Variants in DISC1 observed in about 807,000 individuals in gnomAD.
DISC1 encodes DISC1 scaffold protein.
DISC1 carries 57 observed loss-of-function variants against 84.5 expected under a neutral mutation model. The observed-to-expected ratio is 0.67, with a 90% CI of 0.55 to 0.84. The LOEUF is 0.84. Among genes scored for constraint, DISC1 ranks in the 40% least tolerant of loss-of-function variants. The probability of loss-of-function intolerance (pLI) is 0.00; values close to 1 mark genes in which losing one functional copy is unlikely to be tolerated. For missense variants in DISC1, 1,000 were observed against 1,057.8 expected, an observed-to-expected ratio of 0.95 and a Z score of 0.76; for synonymous variants, 411 against 415.2, an observed-to-expected ratio of 0.99 and a Z score of 0.12.
In DISC1 at chr1:231,693,956, G is replaced by C; in HGVS notation, c.198G>C (p.Arg66=). 1.2e-6 allele frequency: 2 copies of C among 1,614,122 alleles called. No homozygotes were observed. Among genetic ancestry groups the C allele is most frequent in the Non-Finnish European group, 1.7e-6 (2 of 1,179,990 alleles). Residue 66 remains arginine, a synonymous_variant, in exon 2 of 13, where the codon CGG becomes CGC. Transcript: ENST00000439617. ...FLSPAVGTLF[R]FPGGVSGEES... ...CCCCAGCAGTGGGCACACTGTTCCGGTTCCCAGGAGGGGTGTCTGGCGAGG... is the reference window on the plus strand; with the variant it reads ...CCCCAGCAGTGGGCACACTGTTCCGCTTCCCAGGAGGGGTGTCTGGCGAGG...
At chr1:231,651,690 A>T (rs2060636091) in intron 1 of DISC1, among the ~76,000 whole-genome samples, 1 of 152,248 alleles carries the variant, frequency 6.6e-6, no homozygotes, top group Admixed American at 6.5e-5. Context: ...CCCTGCCCCT[A>T]GAGCTGGGGT....
chr1:231,999,465 G>T (rs1666377586), intron 10 of DISC1, among the ~76,000 whole-genome samples: 1 of 152,122 alleles, frequency 6.6e-6, no homozygotes, highest in Non-Finnish European at 1.5e-5. Context: ...ACAATAAGCA[G>T]CCAGGGGAGA....
rs138458191 is a variant in DISC1 at position 231,970,107 on chromosome 1, A to G, written c.2042+11219A>G. On this transcript the variant is annotated intron_variant, in intron 10 of 12. Transcript: ENST00000439617. ...CAGCAAGATTTATAATCCTTTGGGT[A>G]TATACCCAGTAATGAGATGGCTGGG... Among the ~76,000 whole-genome samples, 465 of 152,320 alleles carry G rather than the reference A, an allele frequency of 3.1e-3. 3 individuals carry two copies. The highest frequency in any genetic ancestry group is 0.011 in the African/African-American group (439 of 41,570).
chr1:231,938,347 G>A (rs2091106125), intron 9 of DISC1, among the ~76,000 whole-genome samples: 1 of 152,164 alleles, frequency 6.6e-6, no homozygotes, highest in African/African-American at 2.4e-5. Context: ...GAGTGACAGT[G>A]AGGTTTGAAG....
In DISC1 at chr1:231,903,774, G is replaced by A. The variant is rs185877720; in HGVS notation, c.1982-55054G>A. Among the ~76,000 whole-genome samples the A allele has an allele frequency of 3.5e-3, 528 of 152,336 alleles. 2 individuals are homozygous for A. Among genetic ancestry groups the A allele is most frequent in the Non-Finnish European group, 5.8e-3 (395 of 68,026 alleles). On this transcript the variant is annotated intron_variant, in intron 9 of 12. Transcript: ENST00000439617. ...GAGGAGGGCTGGGAAAGTGAGAACAGCAAAGAAAAGGGCAACAGATCATGT... is the reference window on the plus strand; with the variant it reads ...GAGGAGGGCTGGGAAAGTGAGAACAACAAAGAAAAGGGCAACAGATCATGT...
At chr1:231,734,348 G>A (rs993180029) in intron 3 of DISC1, among the ~76,000 whole-genome samples, 4 of 152,188 alleles carry the variant, frequency 2.6e-5, no homozygotes, top group Admixed American at 6.5e-5. Context: ...AAGTGGTGGG[G>A]CAATGAGTAT....
chr1:231,733,406 CTG>C (rs2071893935), intron 3 of DISC1, among the ~76,000 whole-genome samples: 1 of 139,056 alleles, frequency 7.2e-6, no homozygotes, highest in Non-Finnish European at 1.6e-5. Context: ...GTACTGGTGA[CTG>C]TAGAAGTGGT....
chr1:231,890,312 A>G (rs2087103890), intron 9 of DISC1, among the ~76,000 whole-genome samples: 1 of 152,212 alleles, frequency 6.6e-6, no homozygotes, highest in Admixed American at 6.6e-5. Flanking sequence ...TTTGTCAGTA[A>G]AGATCCTATG....
intron 1 of DISC1, among the ~76,000 whole-genome samples, chr1:231,633,968 C>T (rs568831223): frequency 6.6e-6 from 1 of 150,432 alleles, no homozygotes; most frequent in South Asian, 2.1e-4. Context: ...ACTGCAACCT[C>T]CGCCTCCCAG....
At chr1:231,781,082 C>A (rs553631831) in intron 6 of DISC1, among the ~76,000 whole-genome samples, 1 of 147,984 alleles carries the variant, frequency 6.8e-6, no homozygotes, top group Non-Finnish European at 1.5e-5. Flanking sequence ...GTGGGTTCAG[C>A]GCACCAGCAT....
chr1:231,712,602 T>C (rs1207982339), intron 3 of DISC1, among the ~76,000 whole-genome samples: 1 of 152,234 alleles, frequency 6.6e-6, no homozygotes, highest in Non-Finnish European at 1.5e-5. Context: ...ACAGTTCTCT[T>C]GATGATGACA....
chr1:231,821,143 C>T (rs2125775263), intron 9 of DISC1, among the ~76,000 whole-genome samples: 1 of 152,204 alleles, frequency 6.6e-6, no homozygotes, highest in African/African-American at 2.4e-5. Context: ...ATATACTATA[C>T]CATCAATATT....
At chr1:231,639,183 A>C (rs1189151417) in intron 1 of DISC1, among the ~76,000 whole-genome samples, 2 of 152,312 alleles carry the variant, frequency 1.3e-5, no homozygotes, top group East Asian at 3.9e-4. Context: ...TTGGGCTCAC[A>C]AGCACACTTT....
intron 10 of DISC1, among the ~76,000 whole-genome samples, chr1:231,964,022 G>T (rs1447068872): frequency 6.6e-6 from 1 of 152,216 alleles, no homozygotes; most frequent in Non-Finnish European, 1.5e-5. Context: ...GGCCCAGGGT[G>T]TGGCACCGGG....
At chr1:231,716,138 C>G (rs929644279) in intron 3 of DISC1, among the ~76,000 whole-genome samples, 33 of 151,900 alleles carry the variant, frequency 2.2e-4, no homozygotes, top group African/African-American at 7.7e-4. Flanking sequence ...ACCACTTACC[C>G]GCTACCCCCG....
At chr1:231,970,082 C>G (rs962549625) in intron 10 of DISC1, among the ~76,000 whole-genome samples, 101 of 152,156 alleles carry the variant, frequency 6.6e-4, no homozygotes, top group African/African-American at 2.3e-3. Context: ...GTCTTTATAG[C>G]AGCAAGATTT....
intron 10 of DISC1, among the ~76,000 whole-genome samples, chr1:231,997,821 C>T (rs1190080199): frequency 6.6e-6 from 1 of 152,180 alleles, no homozygotes; most frequent in Non-Finnish European, 1.5e-5. Flanking sequence ...TTGGCAGTAT[C>T]CACTTCTCCA....
rs577603942 is a variant in DISC1 at position 231,925,143 on chromosome 1, A to G, written c.1982-33685A>G. ...TCTGGAAACTTTTGGCTGCTCCCCT[A>G]TCCTCTTCTTGCTAAATCAGAATGG... On this transcript the variant is annotated intron_variant, in intron 9 of 12. Transcript: ENST00000439617. Among the ~76,000 whole-genome samples, 5 of 152,006 alleles carry G rather than the reference A, an allele frequency of 3.3e-5. No individual in the cohort carries two copies. In the South Asian group the frequency reaches 8.3e-4, roughly 25 times the overall value.
chr1:231,727,915 G>A (rs1401723100), intron 3 of DISC1, among the ~76,000 whole-genome samples: 1 of 151,570 alleles, frequency 6.6e-6, no homozygotes, highest in East Asian at 1.9e-4. Context: ...TTGTACCACC[G>A]CACTCCAGCC....
Sources: gnomAD v4.1 joint callset for allele counts (sites outside exome capture counted in the v4.1 genomes callset) on GRCh38, gnomAD v4.1.1 for gene constraint, MANE v1.5 for transcripts, NCBI Gene and HGNC (gene_info 2026-07-23, HGNC 2026-07-21) for gene names.